Variants in WIF1 observed in about 807,000 individuals in gnomAD.
WIF1 encodes the protein Wnt inhibitory factor 1.
In WIF1, 35 loss-of-function variants were observed where a neutral mutation model predicts 53.5. The ratio of observed to expected loss-of-function variants is 0.65; its 90% confidence interval spans 0.50 to 0.87. The LOEUF (loss-of-function observed/expected upper bound fraction) is 0.87, where lower values mean the gene tolerates loss of function less well. WIF1 is among the 40% of genes least tolerant of loss of function. WIF1 has a pLI of 0.00. For missense variants in WIF1, 467 were observed against 476.8 expected, an observed-to-expected ratio of 0.98 and a Z score of 0.19; for synonymous variants, 171 against 170.4, an observed-to-expected ratio of 1.00 and a Z score of -0.03.
chr12:65,092,065 T>C (rs1247034567), intron 2 of WIF1, among the ~76,000 whole-genome samples: 1 of 151,978 alleles, frequency 6.6e-6, no homozygotes, highest in Non-Finnish European at 1.5e-5. Context: ...TGGTAGAGAA[T>C]AAAATGTGGA....
intron 3 of WIF1, among the ~76,000 whole-genome samples, chr12:65,077,374 T>G (rs1353022724): frequency 3.2e-4 from 2 of 6,186 alleles, no homozygotes; most frequent in Non-Finnish European, 1.4e-3. Context: ...TTATCCCATT[T>G]GCCCCCAATC....
chr12:65,085,908 G>GGATCACCACTGTTCATGCA (rs1883030478), intron 2 of WIF1, among the ~76,000 whole-genome samples: 1 of 152,086 alleles, frequency 6.6e-6, no homozygotes, highest in Admixed American at 6.5e-5. Context: ...CTAGAGTTTG[G>GGATCACCACTGTTCATGCA]AATCACCACT....
chr12:65,116,241 T>A (rs568850463), intron 2 of WIF1, among the ~76,000 whole-genome samples: 3 of 152,278 alleles, frequency 2.0e-5, no homozygotes, highest in South Asian at 2.1e-4. Context: ...TACTGGTCCA[T>A]GGCCTGTTAG....
chr12:65,062,009 C>T (rs886512978), intron 7 of WIF1, among the ~76,000 whole-genome samples: 4 of 152,120 alleles, frequency 2.6e-5, no homozygotes, highest in Non-Finnish European at 4.4e-5. Flanking sequence ...CTATGCGCCT[C>T]TTTTTTCTCG....
At chr12:65,108,278 T>C (rs1426247437) in intron 2 of WIF1, among the ~76,000 whole-genome samples, 1 of 152,152 alleles carries the variant, frequency 6.6e-6, no homozygotes, top group Non-Finnish European at 1.5e-5. Context: ...TGAATAAATA[T>C]TTATTGAGTG....
intron 1 of WIF1, 110 bp downstream of exon 1, chr12:65,120,934 T>G: frequency 7.6e-7 from 1 of 1,312,516 alleles, no homozygotes; most frequent in South Asian, 2.2e-5. Context: ...GGGAACACTC[T>G]TTTGTGGAAA....
chr12:65,109,706 A>G (rs1883401983), intron 2 of WIF1, among the ~76,000 whole-genome samples: 1 of 152,240 alleles, frequency 6.6e-6, no homozygotes, highest in Non-Finnish European at 1.5e-5. Flanking sequence ...TCTGAAGTAT[A>G]TAAATATGTG....
At chr12:65,065,855 A>T (rs2136614273) in intron 6 of WIF1, among the ~76,000 whole-genome samples, 1 of 152,284 alleles carries the variant, frequency 6.6e-6, no homozygotes, top group Admixed American at 6.5e-5. Context: ...ATCGTTCAGC[A>T]ATTTTAGGGC....
At chr12:65,099,465 C>T (rs1309740081) in intron 2 of WIF1, among the ~76,000 whole-genome samples, 1 of 152,208 alleles carries the variant, frequency 6.6e-6, no homozygotes, top group South Asian at 2.1e-4. Context: ...AGTCTATAAA[C>T]AATAATTTGT....
intron 3 of WIF1, among the ~76,000 whole-genome samples, chr12:65,074,960 A>G (rs1882838962): frequency 6.6e-6 from 1 of 152,106 alleles, no homozygotes; most frequent in Non-Finnish European, 1.5e-5. Flanking sequence ...CCACAAGGTA[A>G]TAAAGCCCTA....
chr12:65,074,817 C>CAAAAAAAAAAAA (rs758690202), intron 3 of WIF1, among the ~76,000 whole-genome samples: 9 of 55,400 alleles, frequency 1.6e-4, no homozygotes, highest in South Asian at 9.2e-4. Flanking sequence ...CACTCTGTCT[C>CAAAAAAAAAAAA]AAAAAAAAAA....
chr12:65,052,079 T>G (rs10784434), intron 9 of WIF1, among the ~76,000 whole-genome samples: 52,341 of 152,004 alleles, frequency 0.34, 9,427 homozygotes, highest in Middle Eastern at 0.48. Flanking sequence ...GTAAATGGAA[T>G]GTGCTAAGTT....
At chr12:65,100,679 T>G (rs1358189391) in intron 2 of WIF1, among the ~76,000 whole-genome samples, 1 of 152,030 alleles carries the variant, frequency 6.6e-6, no homozygotes, top group Non-Finnish European at 1.5e-5. Flanking sequence ...CAGTGTTACT[T>G]GTAATAGTAA....
chr12:65,068,817 T>C lies in WIF1; in HGVS notation c.485A>G (p.Asn162Ser). The C allele has an allele frequency of 6.2e-7, 1 of 1,613,752 alleles. No individual in the cohort carries two copies. Among genetic ancestry groups the C allele is most frequent in the Non-Finnish European group, 8.5e-7 (1 of 1,179,740 alleles). ...ATTTTGAGGTGTTTGGAGAATGGTG[T>C]TGCCTTCAGAATTCATAACAATCAC... ...VDVIVMNSEG[N>S]TILQTPQNAI... The change falls in exon 4 of 10, where the codon AAC becomes AGC. Residue 162 changes from asparagine (N) to serine (S), a missense_variant. Transcript: ENST00000286574.
chr12:65,104,062 C>G (rs1883319072), intron 2 of WIF1, among the ~76,000 whole-genome samples: 1 of 152,018 alleles, frequency 6.6e-6, no homozygotes, highest in African/African-American at 2.4e-5. Context: ...AAGACTCCAG[C>G]CCACCGCCAA....
intron 2 of WIF1, among the ~76,000 whole-genome samples, chr12:65,119,945 A>G (rs112852712): frequency 0.03 from 4,593 of 152,340 alleles, 143 homozygotes; most frequent in African/African-American, 0.079. Context: ...TACCAGAAAT[A>G]TGCAACATTC....
At chr12:65,090,257 G>A (rs1468996255) in intron 2 of WIF1, among the ~76,000 whole-genome samples, 7 of 152,132 alleles carry the variant, frequency 4.6e-5, no homozygotes, top group Admixed American at 4.6e-4. Flanking sequence ...GAATGTGGGT[G>A]AAGTCTGGGC....
chr12:65,063,871 G>A (rs1294990297), intron 6 of WIF1, among the ~76,000 whole-genome samples: 1 of 151,908 alleles, frequency 6.6e-6, no homozygotes, highest in Non-Finnish European at 1.5e-5. Flanking sequence ...ACACTACCAT[G>A]CCTGATTAAG....
At chr12:65,095,443 T>G (rs1023268944) in intron 2 of WIF1, among the ~76,000 whole-genome samples, 1 of 152,146 alleles carries the variant, frequency 6.6e-6, no homozygotes, top group Non-Finnish European at 1.5e-5. Flanking sequence ...ATTGTACTCA[T>G]TGCATTAAAA....
Sources: allele counts gnomAD v4.1 joint callset (sites outside exome capture counted in the v4.1 genomes callset), GRCh38; gene constraint gnomAD v4.1.1; transcripts MANE v1.5; gene names NCBI Gene and HGNC (gene_info 2026-07-23, HGNC 2026-07-21).